The following CNOT3 variants were observed in gnomAD, a reference collection of about 807,000 sequenced individuals.
The protein encoded by CNOT3 is CCR4-NOT transcription complex subunit 3, also known as CCR4-associated factor 3.
In CNOT3, 2 loss-of-function variants were observed where a neutral mutation model predicts 89.4. That is an observed-to-expected ratio of 0.02 (90% CI 0.01 to 0.07). The LOEUF (loss-of-function observed/expected upper bound fraction) is 0.07, where lower values mean the gene tolerates loss of function less well. Ranked by LOEUF, CNOT3 falls within the 10% of genes least tolerant of loss-of-function variation. The probability of loss-of-function intolerance (pLI) is 1.00; values close to 1 mark genes in which losing one functional copy is unlikely to be tolerated. For missense variants in CNOT3, 664 were observed against 1,010.2 expected (o/e 0.66, Z 4.65); for synonymous variants, 486 against 402.0 (o/e 1.21, Z -2.50).
intron 13 of CNOT3, 60 bp from the exon 14 acceptor site, chr19:54,152,166 C>G (rs2075152986): frequency 6.3e-7 from 1 of 1,576,528 alleles, no homozygotes; most frequent in Non-Finnish European, 8.7e-7. Flanking sequence ...GGGCCTGTGT[C>G]AGGCTGCACT....
chr19:54,146,001 C>G lies in CNOT3; in HGVS notation c.795C>G (p.Thr265=), dbSNP rs1270940289. 1.2e-6 allele frequency: 2 copies of G among 1,613,484 alleles called. No individual in the cohort carries two copies. Among genetic ancestry groups the G allele is most frequent in the East Asian group, 2.2e-5 (1 of 44,876 alleles). The change falls in exon 9 of 18, where the codon ACC becomes ACG. Residue 265 remains threonine (T), a synonymous_variant. Coordinates refer to ENST00000221232, the MANE Select transcript of CNOT3 (RefSeq NM_014516.4). ...CCAGCAGCACGCCCACCTCAACCACCTCCAGCTCTCCCATCCCGCCCAGCC... is the reference window on the plus strand; with the variant it reads ...CCAGCAGCACGCCCACCTCAACCACGTCCAGCTCTCCCATCCCGCCCAGCC... The part of the protein sequence containing the change: ...NQSSSTPTST[T]SSSPIPPSPA...
chr19:54,147,622 C>T (rs941981776), intron 10 of CNOT3, among the ~76,000 whole-genome samples: 4 of 152,172 alleles, frequency 2.6e-5, no homozygotes, highest in Non-Finnish European at 2.9e-5. Flanking sequence ...AGATTGCCTG[C>T]GGTAGGGATA....
intron 1 of CNOT3, among the ~76,000 whole-genome samples, 191 bp downstream of exon 1, chr19:54,138,184 C>CTCCCGTTCCTGCGCCTCTT (rs1428565669): frequency 2.0e-5 from 3 of 151,998 alleles, no homozygotes; most frequent in East Asian, 2.0e-4. Flanking sequence ...CCCTCTCGCC[C>CTCCCGTTCCTGCGCCTCTT]TCCCGTTCCT....
intron 13 of CNOT3, 82 bp from the exon 14 acceptor site, chr19:54,152,144 T>A: frequency 1.4e-6 from 2 of 1,475,456 alleles, no homozygotes; most frequent in Non-Finnish European, 9.4e-7. Flanking sequence ...ACAGGGCAGG[T>A]GAGAGCATCT....
At position 54,145,937 on chromosome 19, in the gene CNOT3, C is replaced by A. The variant is rs764309033; in HGVS notation, c.731C>A (p.Pro244His). ...IPQALVATSP[P>H]SHSHMEDEIF... ...CAGGCGCTGGTCGCCACCTCCCCCCCCAGCCACAGCCACATGGAGGATGAG... is the reference window on the plus strand; with the variant it reads ...CAGGCGCTGGTCGCCACCTCCCCCCACAGCCACAGCCACATGGAGGATGAG... Residue 244 changes from proline (P) to histidine (H), a missense_variant, in exon 9 of 18, where the codon CCC becomes CAC. Pro to His is a moderately conservative substitution (Grantham distance 77, BLOSUM62 -2). Coordinates refer to ENST00000221232, the MANE Select transcript of CNOT3 (RefSeq NM_014516.4). This position sits in a 1 kb window ranked among gnomAD's most constrained non-coding sequence, Gnocchi z 5.9. 50 of 1,613,838 alleles carry A rather than the reference C, an allele frequency of 3.1e-5. No individual in the cohort carries two copies. The highest frequency in any genetic ancestry group is 1.1e-4 in the East Asian group (5 of 44,886).
intron 1 of CNOT3, chr19:54,142,723 C>G (rs2074502874): frequency 1.7e-6 from 1 of 591,076 alleles, no homozygotes; most frequent in African/African-American, 1.9e-5. Flanking sequence ...CTTGTTTCAA[C>G]AAACTTATGG....
rs1218438059 is a variant in CNOT3 at position 54,152,223 on chromosome 19, C to T, written c.1606-3C>T. On this transcript the variant is annotated splice_region_variant and splice_polypyrimidine_tract_variant and intron_variant, in intron 13 of 17. Coordinates refer to ENST00000221232, the MANE Select transcript of CNOT3 (RefSeq NM_014516.4). ...CAGGCCAGGCCTCTTGTTTCCTCCC[C>T]AGGCCCCTGAGCCTCTGAGCTCCTT... 1.9e-6 allele frequency: 3 copies of T among 1,614,072 alleles called. No homozygotes were observed. The highest frequency in any genetic ancestry group is 1.7e-5 in the Admixed American group (1 of 60,022).
rs909220037 is a variant in CNOT3 at position 54,152,289 on chromosome 19, G to A, written c.1669G>A (p.Glu557Lys). Residue 557 changes from glutamate (E) to lysine (K), a missense_variant, in exon 14 of 18, where the codon GAG (glutamate) becomes AAG (lysine). By Grantham distance (56) the Glu-to-Lys change is moderately conservative (BLOSUM62 1). Around this residue, in one of 8 missense-constraint regions of CNOT3, gnomAD observed 545 missense variants for 566.2 expected, o/e 0.96. Transcript: ENST00000221232. ...ACGGGCAGCCATCAGCTCTGGCATT[G>A]AGGACCCTGTGCCAACGCTGCACCT... ...AERAAISSGI[E>K]DPVPTLHLTE... The A allele has an allele frequency of 6.2e-7, 1 of 1,614,146 alleles. No individual in the cohort carries two copies. Among genetic ancestry groups the A allele is most frequent in the Non-Finnish European group, 8.5e-7 (1 of 1,180,022 alleles).
rs774511528 is a variant in CNOT3 at position 54,148,725 on chromosome 19, A to G, written c.1388A>G (p.Asn463Ser). The stretch of plus-strand genomic sequence containing the variant: ...TTGGGCCCCCCTTCCGGCCCCCACA[A>G]CCCACCTCCCAGCACCTCGTGAGTG... ...QALGPPSGPH[N>S]PPPSTSKEPS... Residue 463 changes from asparagine to serine, a missense_variant, in exon 12 of 18, where the codon AAC (asparagine) becomes AGC (serine). By Grantham distance (46) the Asn-to-Ser change is conservative. Coordinates refer to ENST00000221232, the MANE Select transcript of CNOT3 (RefSeq NM_014516.4). The surrounding 1 kb of genome is among the most constrained non-coding windows in gnomAD (Gnocchi z 6.3). The G allele has an allele frequency of 1.9e-6, 3 of 1,611,582 alleles. No homozygotes were observed. The highest frequency in any genetic ancestry group is 2.5e-6 in the Non-Finnish European group (3 of 1,179,368).
rs775300624 is a variant in CNOT3, at chr19:54,148,421, C to T, written c.1168C>T (p.Pro390Ser). Residue 390 changes from proline (P) to serine (S), a missense_variant, in exon 11 of 18, where the codon CCC becomes TCC. Around this residue, in one of 8 missense-constraint regions of CNOT3, gnomAD observed 545 missense variants for 566.2 expected, o/e 0.96. Coordinates refer to ENST00000221232, the MANE Select transcript of CNOT3 (RefSeq NM_014516.4). This position sits in a 1 kb window ranked among gnomAD's most constrained non-coding sequence, Gnocchi z 6.3. ...TGGGCCCAGCACGACCCAGCCCCGG[C>T]CCCCCAGCGTCCAGCCTAGCGGAGG... The part of the protein sequence containing the change: ...PSGPSTTQPR[P>S]PSVQPSGGGG... 3 of 1,562,440 alleles carry T rather than the reference C, an allele frequency of 1.9e-6. No individual in the cohort carries two copies. Among genetic ancestry groups the T allele is most frequent in the Non-Finnish European group, 8.7e-7 (1 of 1,152,330 alleles).
intron 1 of CNOT3, among the ~76,000 whole-genome samples, chr19:54,138,364 T>G (rs1381370329): frequency 6.6e-6 from 1 of 152,034 alleles, no homozygotes; most frequent in African/African-American, 2.4e-5. Context: ...GCGTCGGTAT[T>G]GGCTCCTGGC....
chr19:54,145,779 A>G lies in CNOT3; in HGVS notation c.665A>G (p.Asn222Ser). Residue 222 changes from asparagine (N) to serine (S), a missense_variant, in exon 8 of 18, where the codon AAC becomes AGC. Transcript: ENST00000221232. This position sits in a 1 kb window ranked among gnomAD's most constrained non-coding sequence, Gnocchi z 5.9. ...DSSQDPDFEE[N>S]EFLYDDLDLE... is the part of the protein sequence containing the mutation. ...TCCCAGGACCCCGACTTCGAGGAGA[A>G]CGAGTTTCTCTACGATGACCTGGAC... The G allele has an allele frequency of 6.2e-7, 1 of 1,613,742 alleles. No individual in the cohort carries two copies. The highest frequency in any genetic ancestry group is 8.5e-7 in the Non-Finnish European group (1 of 1,179,640).
At position 54,145,770 on chromosome 19, in the gene CNOT3, T is replaced by A. The variant is rs2074638547; in HGVS notation, c.656T>A (p.Phe219Tyr). The A allele has an allele frequency of 6.2e-7, 1 of 1,613,794 alleles. No individual in the cohort carries two copies. The highest frequency in any genetic ancestry group is 8.5e-7 in the Non-Finnish European group (1 of 1,179,812). Residue 219 changes from phenylalanine (F) to tyrosine (Y), a missense_variant, in exon 8 of 18, where the codon TTC (phenylalanine) becomes TAC (tyrosine). Physicochemically the swap from Phe to Tyr is conservative, Grantham distance 22. Around this residue, in one of 8 missense-constraint regions of CNOT3, gnomAD observed 25 missense variants for 69.0 expected, o/e 0.36. Transcript: ENST00000221232. The surrounding 1 kb of genome is among the most constrained non-coding windows in gnomAD (Gnocchi z 5.9). The part of the protein sequence containing the change: ...YYVDSSQDPD[F>Y]EENEFLYDDL... ...GTTGACTCATCCCAGGACCCCGACT[T>A]CGAGGAGAACGAGTTTCTCTACGAT...
intron 10 of CNOT3, 116 bp downstream of exon 10, chr19:54,146,773 G>A (rs922331349): frequency 4.0e-6 from 3 of 750,990 alleles, no homozygotes; most frequent in Non-Finnish European, 7.4e-6. Flanking sequence ...AGGTGGCTCA[G>A]AAATCAGTGC....
chr19:54,143,740 C>T lies in CNOT3; in HGVS notation c.249C>T (p.Leu83=), dbSNP rs1156269231. Residue 83 remains leucine, a synonymous_variant, in exon 5 of 18, where the codon CTC becomes CTT. Coordinates refer to ENST00000221232, the MANE Select transcript of CNOT3 (RefSeq NM_014516.4). ...GGCAGCTTATAGACAACCGCAAGCT[C>T]ATTGAGACGGTAGGAGCCCAGAGCC... The part of the protein sequence containing the change: ...DKRQLIDNRK[L]IETQMERFKV... The T allele has an allele frequency of 1.9e-6, 3 of 1,613,738 alleles. No homozygotes were observed. The highest frequency in any genetic ancestry group is 3.3e-5 in the Admixed American group (2 of 60,002).
chr19:54,154,125 G>A (rs2075293919), intron 17 of CNOT3: 1 of 656,562 alleles, frequency 1.5e-6, no homozygotes, highest in Non-Finnish European at 2.9e-6. Context: ...CCTTTGCAGT[G>A]CTGGGCACAC....
Position 54,144,429 on chromosome 19 carries a change from C to T in CNOT3, c.483+97C>T. ...TCATTTATGCTCCTGGGAGTTGGGG[C>T]CTGGATTCCTCAGGCGGACAGGGCC... is the stretch of plus-strand genomic sequence containing the variant. On this transcript the variant is annotated intron_variant, in intron 7 of 17. Coordinates refer to ENST00000221232, the MANE Select transcript of CNOT3 (RefSeq NM_014516.4). This position sits in a 1 kb window ranked among gnomAD's most constrained non-coding sequence, Gnocchi z 4.8. 1.1e-6 allele frequency: 1 copy of T among 895,728 alleles called. No individual in the cohort carries two copies. The highest frequency in any genetic ancestry group is 2.5e-5 in the East Asian group (1 of 39,588). 55.5% of individuals were successfully genotyped at this position (895,728 alleles called of 1,614,324 possible).
At chr19:54,151,445 T>C (rs1408657678) in intron 13 of CNOT3, among the ~76,000 whole-genome samples, 2 of 152,108 alleles carry the variant, frequency 1.3e-5, no homozygotes, top group African/African-American at 2.4e-5. Context: ...GGCTCACACC[T>C]GTAATCCCAG....
rs1442306242 is a variant in CNOT3, at chr19:54,148,973, T to C, written c.1406+230T>C. Among the ~76,000 whole-genome samples the C allele has an allele frequency of 6.6e-6, 1 of 152,170 alleles. No individual in the cohort carries two copies. Among genetic ancestry groups the C allele is most frequent in the East Asian group, 1.9e-4 (1 of 5,190 alleles). ...CAGAACATTCTAAAATACGTTCTCA[T>C]CTAAGTGGAAGTTTTCTCAAGAGCC... On this transcript the variant is annotated intron_variant, in intron 12 of 17. Transcript: ENST00000221232. The surrounding 1 kb of genome is among the most constrained non-coding windows in gnomAD (Gnocchi z 6.3).
Sources: gnomAD v4.1 joint callset for allele counts (sites outside exome capture counted in the v4.1 genomes callset) on GRCh38, gnomAD v4.1.1 for gene constraint, gnomAD v4.1.1 regional missense constraint, Gnocchi (gnomAD v3.1) non-coding constraint, MANE v1.5 for transcripts, NCBI Gene and HGNC (gene_info 2026-07-23, HGNC 2026-07-21) for gene names.